PTPN14: variants seen among roughly 807,000 people sequenced by gnomAD.
PTPN14 encodes the protein tyrosine-protein phosphatase non-receptor type 14.
Under a neutral mutation model 126.8 loss-of-function variants are expected in PTPN14, and 53 were observed. The ratio of observed to expected loss-of-function variants is 0.42; its 90% CI spans 0.34 to 0.53. PTPN14 has a LOEUF of 0.53. Ranked by LOEUF, PTPN14 falls within the 20% of genes least tolerant of loss-of-function variation. The pLI is 0.08. For missense variants in PTPN14, 1,257 were observed against 1,552.9 expected (o/e 0.81, Z 3.20); for synonymous variants, 630 against 599.3 (o/e 1.05, Z -0.75).
intron 1 of PTPN14, chr1:214,532,972 G>A (rs1037951272): frequency 2.7e-5 from 21 of 773,086 alleles, no homozygotes; most frequent in Non-Finnish European, 9.3e-6. Context: ...GAACCGAGAG[G>A]AGCTGGACAA....
chr1:214,406,491 GA>G (rs370339166), intron 5 of PTPN14, among the ~76,000 whole-genome samples: 5,168 of 141,142 alleles, frequency 0.037, 142 homozygotes, highest in Non-Finnish European at 0.056. Context: ...AAAAAAAAAA[GA>G]AAAAAAAAAG....
chr1:214,388,923 TA>T (rs560738393), intron 11 of PTPN14, among the ~76,000 whole-genome samples: 15 of 148,238 alleles, frequency 1.0e-4, no homozygotes, highest in South Asian at 8.5e-4. Context: ...AAAGGGGTAA[TA>T]AAAAAAAAGG....
intron 2 of PTPN14, among the ~76,000 whole-genome samples, chr1:214,458,749 T>C (rs1170390951): frequency 6.6e-6 from 1 of 152,148 alleles, no homozygotes; most frequent in East Asian, 1.9e-4. Flanking sequence ...CCGTGAGAAT[T>C]AGTCATAAGG....
chr1:214,483,412 G>T (rs1177233118), intron 1 of PTPN14: 7 of 1,519,498 alleles, frequency 4.6e-6, no homozygotes, highest in Non-Finnish European at 6.4e-6. Flanking sequence ...GACCGGGTGG[G>T]CACTGGTGGC....
rs577462095 is a variant in PTPN14 at position 214,452,832 on chromosome 1, T to G, written c.175-858A>C. Among the ~76,000 whole-genome samples, 188 of 152,326 alleles carry G rather than the reference T, an allele frequency of 1.2e-3. 1 individual carries two copies. Among genetic ancestry groups the G allele is most frequent in the African/African-American group, 4.3e-3 (179 of 41,566 alleles). ...AAAATAGATCACTGCTTTTGAAGAT[T>G]CTTTTATATCTCAATTATAGCCTAG... On this transcript the variant is annotated intron_variant, in intron 2 of 18. Transcript: ENST00000366956.
At position 214,376,309 on chromosome 1, in the gene PTPN14, G is replaced by A. The variant is rs748130504; in HGVS notation, c.2817C>T (p.Ile939=). The A allele has an allele frequency of 8.1e-6, 13 of 1,614,074 alleles. No homozygotes were observed. The highest frequency in any genetic ancestry group is 6.7e-5 in the Admixed American group (4 of 60,006). ...ALPENAERSR[I]REVVPYEENR... ...TCTCCTCATAGGGGACAACTTCACG[G>A]ATTCGGCTGCGCTCGGCGTTTTCTG... Residue 939 remains isoleucine, a synonymous_variant, in exon 15 of 19, where the codon ATC becomes ATT. Coordinates refer to ENST00000366956, the MANE Select transcript of PTPN14 (RefSeq NM_005401.5).
chr1:214,499,715 TG>T (rs1303076222), intron 1 of PTPN14, among the ~76,000 whole-genome samples: 1 of 152,186 alleles, frequency 6.6e-6, no homozygotes, highest in Non-Finnish European at 1.5e-5. Flanking sequence ...GTTTTTTAAA[TG>T]GTTAGGCTAT....
At position 214,355,168 on chromosome 1, in the gene PTPN14, A is replaced by G. The variant is rs767340315; in HGVS notation, c.*2754T>C. ...ACTTTGGCTAGAAAGTTGAATATTAAACCTACTTCCTCCCTGCATTTTGTA... is the reference window on the plus strand; with the variant it reads ...ACTTTGGCTAGAAAGTTGAATATTAGACCTACTTCCTCCCTGCATTTTGTA... On this transcript the variant is annotated 3_prime_UTR_variant, in exon 19 of 19. Coordinates refer to ENST00000366956, the MANE Select transcript of PTPN14 (RefSeq NM_005401.5). 4 of 152,230 alleles carry G rather than the reference A, an allele frequency of 2.6e-5. No individual in the cohort carries two copies. The highest frequency in any genetic ancestry group is 4.4e-5 in the Non-Finnish European group (3 of 68,036). The allele number at this position is 152,230 out of a possible 1,614,324, so 9.4% of individuals were successfully genotyped here. A position where few individuals can be genotyped will look rare whatever the true frequency, so the allele number is the denominator to read the frequency against.
intron 1 of PTPN14, among the ~76,000 whole-genome samples, chr1:214,509,876 A>G (rs1286593119): frequency 6.6e-6 from 1 of 152,208 alleles, no homozygotes; most frequent in Non-Finnish European, 1.5e-5. Flanking sequence ...TTCTGAGCAA[A>G]CTATTGCAAG....
chr1:214,373,260 G>A lies in PTPN14; in HGVS notation c.2908-421C>T, dbSNP rs189456235. On this transcript the variant is annotated intron_variant, in intron 15 of 18. Transcript: ENST00000366956. ...GTAGAGATGGCGTTTCACCACATTG[G>A]CCAGGCTGGTCTTGAACTCCTGACT... Among the ~76,000 whole-genome samples the A allele has an allele frequency of 4.6e-5, 7 of 152,130 alleles. No homozygotes were observed. In the East Asian group the frequency reaches 9.7e-4, roughly 21 times the overall value.
At chr1:214,547,414 T>A (rs925438591) in intron 1 of PTPN14, among the ~76,000 whole-genome samples, 5 of 152,226 alleles carry the variant, frequency 3.3e-5, no homozygotes, top group Non-Finnish European at 7.3e-5. Context: ...AACATTGTTC[T>A]AACATTGTTC....
intron 10 of PTPN14, among the ~76,000 whole-genome samples, chr1:214,392,020 G>A (rs551425146): frequency 1.3e-5 from 2 of 152,134 alleles, no homozygotes; most frequent in East Asian, 1.9e-4. Context: ...AATCAATAAC[G>A]ATCTTTTAGA....
chr1:214,481,589 A>C (rs1435535531), intron 1 of PTPN14, among the ~76,000 whole-genome samples: 3 of 151,716 alleles, frequency 2.0e-5, no homozygotes, highest in African/African-American at 7.3e-5. Flanking sequence ...AAACTGTCTC[A>C]TTTACACAGA....
At chr1:214,389,424 T>A (rs116746337) in intron 11 of PTPN14, among the ~76,000 whole-genome samples, 1 of 152,162 alleles carries the variant, frequency 6.6e-6, no homozygotes, top group Non-Finnish European at 1.5e-5. Flanking sequence ...GACCTGCTAA[T>A]AGAGAAACAA....
intron 1 of PTPN14, chr1:214,530,337 CTTT>C (rs1219471589): frequency 1.0e-4 from 13 of 129,064 alleles, no homozygotes; most frequent in Non-Finnish European, 1.3e-4. Context: ...CTTTTCTTTT[CTTT>C]TTTTTTTTTT....
chr1:214,451,102 G>A (rs1205575791), intron 3 of PTPN14, among the ~76,000 whole-genome samples: 1 of 152,024 alleles, frequency 6.6e-6, no homozygotes, highest in Non-Finnish European at 1.5e-5. Flanking sequence ...TTTTGTTTGG[G>A]GATATTTTTA....
At chr1:214,373,940 T>C (rs1187847781) in intron 15 of PTPN14, among the ~76,000 whole-genome samples, 1 of 152,146 alleles carries the variant, frequency 6.6e-6, no homozygotes, top group African/African-American at 2.4e-5. Context: ...AATAAAATTA[T>C]TACCCCTGCA....
chr1:214,414,827 C>T, intron 3 of PTPN14, 101 bp from the exon 4 acceptor site: 1 of 880,626 alleles, frequency 1.1e-6, no homozygotes. Flanking sequence ...GTGTACACAG[C>T]AGGACATGCC....
At chr1:214,543,067 T>C (rs1655881144) in intron 1 of PTPN14, among the ~76,000 whole-genome samples, 1 of 152,202 alleles carries the variant, frequency 6.6e-6, no homozygotes, top group East Asian at 1.9e-4. Context: ...TGCCTTGACA[T>C]GGTGTCATAG....
Sources: gnomAD v4.1 joint callset for allele counts (sites outside exome capture counted in the v4.1 genomes callset) on GRCh38, gnomAD v4.1.1 for gene constraint, MANE v1.5 for transcripts, NCBI Gene and HGNC (gene_info 2026-07-23, HGNC 2026-07-21) for gene names.